Variants in EYS observed in about 807,000 individuals in gnomAD.
EYS encodes protein eyes shut homolog.
A neutral mutation model predicts 282.1 loss-of-function variants in EYS; 250 were observed. That is an observed-to-expected ratio of 0.89 (90% CI 0.80 to 0.98). EYS has a LOEUF of 0.98. EYS is among the 50% of genes least tolerant of loss of function. The pLI is 0.00. For synonymous variants in EYS, 1,355 were observed against 1,282.9 expected (o/e 1.06, Z -1.20); for missense variants, 4,016 against 3,709.0 (o/e 1.08, Z -2.15).
intron 2 of EYS, among the ~76,000 whole-genome samples, chr6:65,626,574 C>A (rs6919315): frequency 0.36 from 54,064 of 151,854 alleles, 12,008 homozygotes; most frequent in Non-Finnish European, 0.49. Context: ...TAAACAAACC[C>A]TAATTTTTTA....
At chr6:65,348,104 A>C (rs568655285) in intron 9 of EYS, among the ~76,000 whole-genome samples, 1 of 151,786 alleles carries the variant, frequency 6.6e-6, no homozygotes, top group South Asian at 2.1e-4. Context: ...TTTAGTAAAT[A>C]TACCATATTT....
intron 1 of EYS, among the ~76,000 whole-genome samples, chr6:65,654,193 A>T (rs1767743528): frequency 6.6e-6 from 1 of 151,894 alleles, no homozygotes; most frequent in Admixed American, 6.6e-5. Flanking sequence ...AAAGTGTGAA[A>T]GTTTCTTTTA....
intron 40 of EYS, among the ~76,000 whole-genome samples, chr6:63,769,258 T>C (rs959523013): frequency 6.6e-6 from 1 of 151,984 alleles, no homozygotes; most frequent in Non-Finnish European, 1.5e-5. Flanking sequence ...CTAGACTGCA[T>C]TGAAGGTAAG....
intron 14 of EYS, among the ~76,000 whole-genome samples, chr6:64,981,516 C>G (rs1348528110): frequency 6.6e-6 from 1 of 151,098 alleles, no homozygotes; most frequent in Non-Finnish European, 1.5e-5. Flanking sequence ...TTCTAACCAC[C>G]TGGCAAAAAT....
In EYS at chr6:64,643,115, C is replaced by CT. The variant is rs200981021; in HGVS notation, c.3444-16871_3444-16870insA. ...GGGCAACAAGAGTGAAACTCCATCC[C>CT]CCCCCCCAAAAAAAAACAACACTGA... On this transcript the variant is annotated intron_variant, in intron 22 of 42. Transcript: ENST00000503581. Among the ~76,000 whole-genome samples the CT allele has an allele frequency of 8.6e-3, 881 of 102,624 alleles. 3 individuals are homozygous for CT. The highest frequency in any genetic ancestry group is 0.014 in the Non-Finnish European group (672 of 49,168). The allele number at this position is 102,624 out of a possible 152,430, so 67.3% of individuals were successfully genotyped here.
At chr6:65,691,602 C>G (rs894004850) in intron 1 of EYS, among the ~76,000 whole-genome samples, 2 of 150,372 alleles carry the variant, frequency 1.3e-5, no homozygotes, top group Admixed American at 6.7e-5. Context: ...TCCCATTTGT[C>G]AATTTTGGCT....
chr6:65,177,237 C>T (rs976765444), intron 12 of EYS, among the ~76,000 whole-genome samples: 5 of 151,698 alleles, frequency 3.3e-5, no homozygotes, highest in African/African-American at 4.8e-5. Flanking sequence ...AGTAATTTAG[C>T]CAGGTTAAAA....
At chr6:65,009,790 C>A (rs1461423507) in intron 13 of EYS, among the ~76,000 whole-genome samples, 2 of 152,182 alleles carry the variant, frequency 1.3e-5, no homozygotes, top group Admixed American at 6.5e-5. Context: ...CAGCTCTGCT[C>A]ACAGCAGTTT....
intron 22 of EYS, among the ~76,000 whole-genome samples, chr6:64,800,178 A>G (rs899491492): frequency 1.1e-4 from 17 of 152,010 alleles, no homozygotes; most frequent in Non-Finnish European, 2.5e-4. Flanking sequence ...ATTGCTAAAG[A>G]AATAAAGTAT....
At chr6:64,134,896 T>C (rs1774108255) in intron 31 of EYS, among the ~76,000 whole-genome samples, 1 of 152,124 alleles carries the variant, frequency 6.6e-6, no homozygotes, top group African/African-American at 2.4e-5. Flanking sequence ...TCTGGGCATA[T>C]GCTAGGTGCT....
chr6:65,651,934 C>T (rs1767662365), intron 1 of EYS, among the ~76,000 whole-genome samples: 2 of 151,858 alleles, frequency 1.3e-5, no homozygotes, highest in African/African-American at 2.4e-5. Flanking sequence ...TTGAGAACTC[C>T]TGGAAAGAGA....
intron 2 of EYS, among the ~76,000 whole-genome samples, chr6:65,539,246 A>G (rs1429620710): frequency 5.3e-5 from 8 of 152,202 alleles, no homozygotes; most frequent in Non-Finnish European, 1.2e-4. Context: ...AACACATCTC[A>G]TAGAATAATA....
At position 63,921,052 on chromosome 6, in the gene EYS, C is replaced by G. The variant is rs147182578; in HGVS notation, c.7056-56694G>C. Among the ~76,000 whole-genome samples the G allele has an allele frequency of 2.4e-3, 363 of 152,286 alleles. 4 individuals are homozygous for G. The highest frequency in any genetic ancestry group is 8.4e-3 in the African/African-American group (349 of 41,548). On this transcript the variant is annotated intron_variant, in intron 35 of 42. Transcript: ENST00000503581. ...GGACTACAGGCACTGGCCACCACAC[C>G]TGGCTAATTTTGTTTTTGTATTTTT... is the stretch of plus-strand genomic sequence containing the variant.
At chr6:64,651,700 T>A (rs1339965049) in intron 22 of EYS, among the ~76,000 whole-genome samples, 1 of 151,876 alleles carries the variant, frequency 6.6e-6, no homozygotes, top group Non-Finnish European at 1.5e-5. Context: ...GAAAAAAAAA[T>A]TCATAAAATA....
chr6:65,161,085 C>T (rs1475041497), intron 12 of EYS, among the ~76,000 whole-genome samples: 1 of 150,934 alleles, frequency 6.6e-6, no homozygotes, highest in African/African-American at 2.4e-5. Flanking sequence ...ATATTTTATA[C>T]TCTTTAGATT....
chr6:63,804,315 C>T (rs1770851570), intron 37 of EYS, among the ~76,000 whole-genome samples: 2 of 152,138 alleles, frequency 1.3e-5, no homozygotes, highest in South Asian at 2.1e-4. Flanking sequence ...CGCGCCTGGC[C>T]GAGTCCAACA....
intron 1 of EYS, among the ~76,000 whole-genome samples, chr6:65,649,166 A>C (rs1207322982): frequency 6.6e-6 from 1 of 151,242 alleles, no homozygotes; most frequent in African/African-American, 2.4e-5. Flanking sequence ...AAAGGAAAAA[A>C]GAAAAACTTA....
intron 5 of EYS, among the ~76,000 whole-genome samples, chr6:65,433,693 G>T (rs1767963741): frequency 6.6e-6 from 1 of 152,246 alleles, no homozygotes; most frequent in African/African-American, 2.4e-5. Context: ...TTAATAATTT[G>T]ATAGCTTTAT....
At chr6:64,894,400 T>G (rs1466489629) in intron 18 of EYS, among the ~76,000 whole-genome samples, 1 of 152,150 alleles carries the variant, frequency 6.6e-6, no homozygotes, top group African/African-American at 2.4e-5. Context: ...GTGGACTGAT[T>G]CACAGATATC....
Sources: gnomAD v4.1 joint callset for allele counts (sites outside exome capture counted in the v4.1 genomes callset) on GRCh38, gnomAD v4.1.1 for gene constraint, MANE v1.5 for transcripts, NCBI Gene and HGNC (gene_info 2026-07-23, HGNC 2026-07-21) for gene names.